SNX29: variants seen among roughly 807,000 people sequenced by gnomAD.
The protein encoded by SNX29 is sorting nexin 29, also known as sorting nexin-29.
Under a neutral mutation model 102.1 loss-of-function variants are expected in SNX29, and 78 were observed. The observed-to-expected ratio is 0.76, with a 90% CI of 0.64 to 0.92. The LOEUF (loss-of-function observed/expected upper bound fraction) is 0.92, where lower values mean the gene tolerates loss of function less well. SNX29 is among the 40% of genes least tolerant of loss of function. The probability of loss-of-function intolerance (pLI) is 0.00; values close to 1 mark genes in which losing one functional copy is unlikely to be tolerated. For missense variants in SNX29, 1,280 were observed against 1,061.7 expected, an observed-to-expected ratio of 1.21 and a Z score of -2.86; for synonymous variants, 580 against 414.5, an observed-to-expected ratio of 1.40 and a Z score of -4.85.
At chr16:12,202,600 G>A (rs1043436479) in intron 14 of SNX29, among the ~76,000 whole-genome samples, 1 of 152,184 alleles carries the variant, frequency 6.6e-6, no homozygotes, top group Non-Finnish European at 1.5e-5. Context: ...TAATTCTGTT[G>A]TTAATGGCGT....
rs887058504 is a variant in SNX29, at chr16:12,068,654, C to G, written c.1244-403C>G. ...CTACCTCCAGGGTTCAAGCGATTCT[C>G]CTGCCTCAGCCTCCCGAGTAGTTGG... On this transcript the variant is annotated intron_variant, in intron 9 of 20. Coordinates refer to ENST00000566228, the MANE Select transcript of SNX29 (RefSeq NM_032167.5). 8.5e-5 allele frequency among the ~76,000 whole-genome samples: 13 copies of G among 152,316 alleles called. No homozygotes were observed. The East Asian group carries it at 1.3e-3, about 16-fold the overall frequency.
intron 20 of SNX29, among the ~76,000 whole-genome samples, chr16:12,530,811 C>G (rs1304160255): frequency 1.3e-5 from 2 of 152,216 alleles, no homozygotes; most frequent in Non-Finnish European, 2.9e-5. Context: ...CCGCCTTGGC[C>G]TCCCAAAGTG....
intron 14 of SNX29, among the ~76,000 whole-genome samples, chr16:12,242,121 C>T (rs2078121863): frequency 6.6e-6 from 1 of 151,722 alleles, no homozygotes; most frequent in African/African-American, 2.4e-5. Context: ...ATTGGCTTCC[C>T]CAGCCAAAAA....
chr16:12,149,815 C>T (rs1187957298), intron 13 of SNX29, among the ~76,000 whole-genome samples: 1 of 152,096 alleles, frequency 6.6e-6, no homozygotes, highest in Non-Finnish European at 1.5e-5. Flanking sequence ...TGATCTTTAC[C>T]AGCCTCAGTC....
intron 14 of SNX29, among the ~76,000 whole-genome samples, chr16:12,267,131 T>C (rs1037408989): frequency 9.9e-5 from 15 of 152,184 alleles, no homozygotes; most frequent in Non-Finnish European, 1.5e-5. Flanking sequence ...TAGTGGAGAA[T>C]CCATTACCTG....
intron 20 of SNX29, chr16:12,556,391 A>C (rs1490186715): frequency 2.6e-5 from 4 of 152,232 alleles, no homozygotes; most frequent in Admixed American, 2.6e-4. Flanking sequence ...GGCACTGGCA[A>C]TATAGTACAG....
chr16:12,574,088 C>G lies in SNX29; in HGVS notation c.*5459C>G, dbSNP rs7620. 1 of 189,130 alleles carries G rather than the reference C, an allele frequency of 5.3e-6. No individual in the cohort carries two copies. Among genetic ancestry groups the G allele is most frequent in the African/African-American group, 2.3e-5 (1 of 42,888 alleles). 11.7% of individuals were successfully genotyped at this position (189,130 alleles called of 1,614,324 possible). On this transcript the variant is annotated 3_prime_UTR_variant, in exon 21 of 21. Coordinates refer to ENST00000566228, the MANE Select transcript of SNX29 (RefSeq NM_032167.5). ...GAAGTCTGTGGAAACGCCCTGAAAC[C>G]TGTAGTATTATCTTAACTACCCTCT...
At chr16:11,997,344 A>AC (rs1202790672) in intron 1 of SNX29, among the ~76,000 whole-genome samples, 1 of 151,910 alleles carries the variant, frequency 6.6e-6, no homozygotes, top group African/African-American at 2.4e-5. Flanking sequence ...CTCAAATGTC[A>AC]CCTGTGCAGA....
intron 18 of SNX29, among the ~76,000 whole-genome samples, chr16:12,410,216 G>A (rs2084342564): frequency 6.6e-6 from 1 of 152,154 alleles, no homozygotes. Flanking sequence ...GGGTGGTCTT[G>A]ATCTTCTGAC....
intron 11 of SNX29, among the ~76,000 whole-genome samples, chr16:12,099,237 G>A (rs992171928): frequency 6.6e-6 from 1 of 152,180 alleles, no homozygotes; most frequent in African/African-American, 2.4e-5. Flanking sequence ...GGTAGAGAGT[G>A]GTGTCTGAGT....
intron 13 of SNX29, among the ~76,000 whole-genome samples, chr16:12,168,117 A>G (rs1246977333): frequency 1.3e-5 from 2 of 152,078 alleles, no homozygotes; most frequent in Non-Finnish European, 2.9e-5. Flanking sequence ...GTAATGATAT[A>G]CTCACTTTAG....
intron 20 of SNX29, among the ~76,000 whole-genome samples, chr16:12,539,606 G>GAGTTGAGGACTGGATCCTATGCTAAAT (rs1168050600): frequency 2.0e-5 from 3 of 152,196 alleles, no homozygotes; most frequent in Non-Finnish European, 2.9e-5. Context: ...AAATACCTAA[G>GAGTTGAGGACTGGATCCTATGCTAAAT]AGTTGAGGAC....
chr16:12,559,816 C>T (rs1166225012), intron 20 of SNX29, among the ~76,000 whole-genome samples: 2 of 152,106 alleles, frequency 1.3e-5, no homozygotes, highest in East Asian at 1.9e-4. Context: ...AGGCCATTTC[C>T]ATCATCATCT....
chr16:12,378,459 A>C (rs530862480), intron 16 of SNX29, among the ~76,000 whole-genome samples: 3 of 152,300 alleles, frequency 2.0e-5, no homozygotes, highest in Non-Finnish European at 2.9e-5. Context: ...AGACCAGCCT[A>C]GCCAATATGG....
chr16:12,321,698 G>T (rs2080936486), intron 15 of SNX29, among the ~76,000 whole-genome samples: 1 of 152,152 alleles, frequency 6.6e-6, no homozygotes, highest in Non-Finnish European at 1.5e-5. Context: ...CCAGCCTGTG[G>T]ATACCCAGGT....
chr16:12,568,067 A>T (rs917478923), intron 20 of SNX29, among the ~76,000 whole-genome samples: 1 of 152,154 alleles, frequency 6.6e-6, no homozygotes, highest in Non-Finnish European at 1.5e-5. Flanking sequence ...CTTAGGATTA[A>T]TTCCACAGGA....
At chr16:11,984,763 C>A (rs1040650658) in intron 1 of SNX29, among the ~76,000 whole-genome samples, 8 of 152,010 alleles carry the variant, frequency 5.3e-5, no homozygotes, top group Admixed American at 3.9e-4. Context: ...CTCAAATGAC[C>A]CTCCCACCTC....
intron 16 of SNX29, among the ~76,000 whole-genome samples, chr16:12,395,603 G>A (rs191167823): frequency 1.3e-4 from 20 of 152,272 alleles, no homozygotes; most frequent in Non-Finnish European, 8.8e-5. Flanking sequence ...AGGGAGAGGT[G>A]AATAGAGATA....
chr16:12,001,690 G>A (rs968748365), intron 2 of SNX29, among the ~76,000 whole-genome samples: 5 of 152,044 alleles, frequency 3.3e-5, no homozygotes, highest in African/African-American at 1.2e-4. Flanking sequence ...CTGCAAGCGT[G>A]CTACCCATAG....
Sources: gnomAD v4.1 joint callset for allele counts (sites outside exome capture counted in the v4.1 genomes callset) on GRCh38, gnomAD v4.1.1 for gene constraint, MANE v1.5 for transcripts, NCBI Gene and HGNC (gene_info 2026-07-23, HGNC 2026-07-21) for gene names.